Variants in KCNN2 observed in about 807,000 individuals in gnomAD.
KCNN2 encodes the protein small conductance calcium-activated potassium channel protein 2.
KCNN2 carries 24 observed loss-of-function variants against 55.5 expected under a neutral mutation model. The ratio of observed to expected loss-of-function variants is 0.43; its 90% confidence interval spans 0.31 to 0.61. KCNN2 has a LOEUF of 0.61. Among genes scored for constraint, KCNN2 ranks in the 20% least tolerant of loss-of-function variants. The probability of loss-of-function intolerance (pLI) is 0.08; values close to 1 mark genes in which losing one functional copy is unlikely to be tolerated. For synonymous variants in KCNN2, 431 were observed against 336.1 expected, an observed-to-expected ratio of 1.28 and a Z score of -3.09; for missense variants, 754 against 853.6, an observed-to-expected ratio of 0.88 and a Z score of 1.45.
intron 1 of KCNN2, among the ~76,000 whole-genome samples, chr5:114,109,018 C>T (rs1199260733): frequency 2.6e-5 from 4 of 151,970 alleles, no homozygotes; most frequent in African/African-American, 9.7e-5. Context: ...TTTACATTCT[C>T]ACCAATTTGG....
intron 1 of KCNN2, among the ~76,000 whole-genome samples, chr5:114,140,874 C>T (rs1224759715): frequency 1.3e-5 from 2 of 151,196 alleles, no homozygotes; most frequent in African/African-American, 2.4e-5. Context: ...CTGCAACCTC[C>T]ACCTCCCGGG....
At chr5:114,465,522 G>A (rs1300356553) in intron 4 of KCNN2, among the ~76,000 whole-genome samples, 2 of 151,814 alleles carry the variant, frequency 1.3e-5, no homozygotes, top group African/African-American at 2.4e-5. Context: ...TGAGGCAGGA[G>A]AATCTCTTGA....
chr5:114,094,389 G>A (rs906452800), intron 1 of KCNN2, among the ~76,000 whole-genome samples: 1 of 152,180 alleles, frequency 6.6e-6, no homozygotes, highest in Admixed American at 6.5e-5. Context: ...TTATACCATT[G>A]CAGAATCTTT....
intron 1 of KCNN2, among the ~76,000 whole-genome samples, chr5:114,162,386 G>C (rs974661791): frequency 6.6e-6 from 1 of 152,128 alleles, no homozygotes; most frequent in Non-Finnish European, 1.5e-5. Context: ...GGAGTACCCG[G>C]CCGTTTGAGG....
At chr5:114,263,698 T>G (rs1202625468) in intron 2 of KCNN2, among the ~76,000 whole-genome samples, 3 of 152,214 alleles carry the variant, frequency 2.0e-5, no homozygotes, top group Admixed American at 1.3e-4. Context: ...CTTTATCATA[T>G]ATGGAAAACC....
At chr5:114,410,395 A>G (rs570488800) in intron 3 of KCNN2, among the ~76,000 whole-genome samples, 30 of 152,300 alleles carry the variant, frequency 2.0e-4, no homozygotes, top group Non-Finnish European at 3.8e-4. Flanking sequence ...GTGTTACACA[A>G]AGAAAGGAGT....
intron 1 of KCNN2, among the ~76,000 whole-genome samples, chr5:114,079,537 C>G (rs1174173340): frequency 6.6e-6 from 1 of 152,138 alleles, no homozygotes; most frequent in African/African-American, 2.4e-5. Flanking sequence ...TATTCACTCT[C>G]TAAGTCTCAA....
At chr5:114,252,408 A>C (rs928522606) in intron 2 of KCNN2, among the ~76,000 whole-genome samples, 13 of 152,082 alleles carry the variant, frequency 8.5e-5, no homozygotes, top group Non-Finnish European at 1.6e-4. Flanking sequence ...GGCAATAGGG[A>C]ACTTTACTGG....
chr5:114,460,059 G>A (rs1309823101), intron 3 of KCNN2, among the ~76,000 whole-genome samples: 1 of 152,124 alleles, frequency 6.6e-6, no homozygotes, highest in Non-Finnish European at 1.5e-5. Flanking sequence ...AATAAAAAGT[G>A]CTGCAGGAGC....
chr5:114,226,636 C>G (rs1452870427), intron 2 of KCNN2, among the ~76,000 whole-genome samples: 7 of 152,130 alleles, frequency 4.6e-5, no homozygotes, highest in Non-Finnish European at 8.8e-5. Context: ...GATGCAGTAG[C>G]TCATGCCTGT....
At chr5:114,375,972 ATATATG>A (rs1200127719) in intron 2 of KCNN2, among the ~76,000 whole-genome samples, 2 of 145,386 alleles carry the variant, frequency 1.4e-5, no homozygotes, top group Non-Finnish European at 1.5e-5. Flanking sequence ...ATATATATAT[ATATATG>A]TATTTTTTTC....
chr5:114,091,758 T>G (rs1386459), intron 1 of KCNN2, among the ~76,000 whole-genome samples: 78,332 of 151,898 alleles, frequency 0.52, 21,455 homozygotes, highest in East Asian at 0.69. Flanking sequence ...GAACACAGGA[T>G]AAACAACCAA....
At chr5:114,314,132 G>A (rs1051162585) in intron 2 of KCNN2, among the ~76,000 whole-genome samples, 2 of 151,990 alleles carry the variant, frequency 1.3e-5, no homozygotes, top group African/African-American at 4.8e-5. Context: ...AATGAGGTGG[G>A]AGCCGCCTCC....
intron 5 of KCNN2, among the ~76,000 whole-genome samples, chr5:114,480,088 T>G (rs1251438557): frequency 6.6e-6 from 1 of 151,776 alleles, no homozygotes; most frequent in African/African-American, 2.4e-5. Context: ...GAGCTGGTTC[T>G]TTGAAAAAAT....
intron 1 of KCNN2, among the ~76,000 whole-genome samples, chr5:114,078,964 T>C (rs1359857223): frequency 6.6e-6 from 1 of 152,178 alleles, no homozygotes; most frequent in African/African-American, 2.4e-5. Flanking sequence ...CTATCAACCA[T>C]ATTCAGTTGG....
intron 2 of KCNN2, among the ~76,000 whole-genome samples, chr5:114,316,098 A>G (rs924936078): frequency 1.3e-5 from 2 of 152,152 alleles, no homozygotes; most frequent in Admixed American, 6.6e-5. Flanking sequence ...ACACACGCAT[A>G]TAGTGTGTGT....
intron 2 of KCNN2, among the ~76,000 whole-genome samples, chr5:114,294,349 T>C (rs1580701467): frequency 1.3e-5 from 2 of 152,256 alleles, no homozygotes; most frequent in East Asian, 3.9e-4. Flanking sequence ...AATTTCCCTC[T>C]ACACACTGCT....
chr5:114,149,345 G>A (rs1580559678), intron 1 of KCNN2, among the ~76,000 whole-genome samples: 1 of 152,146 alleles, frequency 6.6e-6, no homozygotes, highest in South Asian at 2.1e-4. Flanking sequence ...GGCCATATTG[G>A]GTGCCAGATA....
chr5:114,426,007 C>T (rs1759612263), intron 3 of KCNN2, among the ~76,000 whole-genome samples: 2 of 149,780 alleles, frequency 1.3e-5, no homozygotes, highest in Admixed American at 1.3e-4. Flanking sequence ...TTACAAAACC[C>T]CATCTCTACC....
Sources: allele counts gnomAD v4.1 joint callset (sites outside exome capture counted in the v4.1 genomes callset), GRCh38; gene constraint gnomAD v4.1.1; transcripts MANE v1.5; gene names NCBI Gene and HGNC (gene_info 2026-07-23, HGNC 2026-07-21).